HMGCLL1: variants seen among roughly 807,000 people sequenced by gnomAD.
HMGCLL1 encodes 3-hydroxymethyl-3-methylglutaryl-CoA lyase, cytoplasmic.
HMGCLL1 carries 36 observed loss-of-function variants against 39.1 expected under a neutral mutation model. The ratio of observed to expected loss-of-function variants is 0.92; its 90% CI spans 0.71 to 1.22. HMGCLL1 has a LOEUF of 1.22. Among genes scored for constraint, HMGCLL1 ranks in the 50% most tolerant of loss-of-function variants. The pLI is 0.00. For missense variants in HMGCLL1, 451 were observed against 416.5 expected (o/e 1.08, Z -0.72); for synonymous variants, 149 against 144.0 (o/e 1.03, Z -0.25).
At position 55,476,880 on chromosome 6, in the gene HMGCLL1, C is replaced by A. The variant is rs926385014; in HGVS notation, c.795+18539G>T. On this transcript the variant is annotated intron_variant, in intron 7 of 8. Transcript: ENST00000274901. ...ACTCAGGAAATGAATTAGGAGGGGG[C>A]AGAACAGTGGAACTCAGAATGACTG... 1.1e-4 allele frequency among the ~76,000 whole-genome samples: 16 copies of A among 146,564 alleles called. 2 individuals carry two copies. Among genetic ancestry groups the A allele is most frequent in the African/African-American group, 3.2e-4 (12 of 37,268 alleles).
intron 3 of HMGCLL1, among the ~76,000 whole-genome samples, chr6:55,535,186 A>G (rs771527737): frequency 6.6e-6 from 1 of 152,220 alleles, no homozygotes; most frequent in Non-Finnish European, 1.5e-5. Context: ...ACAAACAGCA[A>G]TTATTTGTTA....
chr6:55,645,164 T>C, the HMGCLL1 span, among the ~76,000 whole-genome samples: 5 of 151,994 alleles, frequency 3.3e-5, no homozygotes, highest in Non-Finnish European at 7.4e-5. Flanking sequence ...TTGTGACTAT[T>C]GTAAATGAGA....
intron 1 of HMGCLL1, among the ~76,000 whole-genome samples, chr6:55,544,118 C>T (rs992966366): frequency 6.6e-6 from 1 of 152,030 alleles, no homozygotes; most frequent in Non-Finnish European, 1.5e-5. Context: ...CACAATAACC[C>T]ACTGGGAGCA....
chr6:55,493,254 C>T (rs558430185), intron 7 of HMGCLL1, among the ~76,000 whole-genome samples: 8 of 152,180 alleles, frequency 5.3e-5, no homozygotes, highest in African/African-American at 1.7e-4. Context: ...AGAGATACAT[C>T]CTATTTCTCC....
At chr6:55,485,138 A>C (rs1198555157) in intron 7 of HMGCLL1, among the ~76,000 whole-genome samples, 4 of 152,052 alleles carry the variant, frequency 2.6e-5, no homozygotes, top group Non-Finnish European at 5.9e-5. Flanking sequence ...CTTTGCTTAC[A>C]TCTCTTCTTA....
intron 8 of HMGCLL1, among the ~76,000 whole-genome samples, chr6:55,437,276 C>T (rs1336354140): frequency 2.0e-5 from 3 of 151,842 alleles, no homozygotes; most frequent in African/African-American, 4.8e-5. Context: ...AAGAACCTCA[C>T]GTAGAATGTG....
chr6:55,477,328 T>TATATTA lies in HMGCLL1; in HGVS notation c.795+18090_795+18091insTAATAT, dbSNP rs1765456139. Among the ~76,000 whole-genome samples the TATATTA allele has an allele frequency of 2.2e-4, 4 of 18,060 alleles. 1 individual carries two copies. Among genetic ancestry groups the TATATTA allele is most frequent in the African/African-American group, 1.1e-3 (3 of 2,656 alleles). 11.8% of individuals were successfully genotyped at this position (18,060 alleles called of 152,430 possible). A position where few individuals can be genotyped will look rare whatever the true frequency, so the allele number is the denominator to read the frequency against. On this transcript the variant is annotated intron_variant, in intron 7 of 8. Transcript: ENST00000274901. ...ATTATATATATAATATATATTATATTATATAATATATATTATATTTAGATA... is the reference window on the plus strand; with the variant it reads ...ATTATATATATAATATATATTATATTATATTAATATAATATATATTATATTTAGATA...
chr6:55,625,095 T>C, the HMGCLL1 span, among the ~76,000 whole-genome samples: 1 of 152,072 alleles, frequency 6.6e-6, no homozygotes, highest in Non-Finnish European at 1.5e-5. Context: ...TGAATCGCCG[T>C]GGAGGCCTCT....
intron 1 of HMGCLL1, among the ~76,000 whole-genome samples, chr6:55,556,012 T>C (rs2127467772): frequency 6.6e-6 from 1 of 152,198 alleles, no homozygotes; most frequent in Non-Finnish European, 1.5e-5. Context: ...GTATGCAGGA[T>C]CTTTGCGGGG....
At chr6:55,515,253 GAA>G (rs34439584) in intron 4 of HMGCLL1, among the ~76,000 whole-genome samples, 13,446 of 134,644 alleles carry the variant, frequency 0.1, 742 homozygotes, top group African/African-American at 0.17. Flanking sequence ...CTCCATCTCA[GAA>G]AAAAAAAAAA....
chr6:55,524,638 G>A (rs984618855), intron 3 of HMGCLL1, among the ~76,000 whole-genome samples: 4 of 151,960 alleles, frequency 2.6e-5, no homozygotes, highest in African/African-American at 4.8e-5. Flanking sequence ...TGCTTCACTT[G>A]AAGTAATAGG....
At chr6:55,446,317 A>G (rs926930217) in intron 7 of HMGCLL1, among the ~76,000 whole-genome samples, 1 of 148,356 alleles carries the variant, frequency 6.7e-6, no homozygotes, top group Non-Finnish European at 1.5e-5. Context: ...ATATATAAAT[A>G]TATTTTTATA....
intron 5 of HMGCLL1, among the ~76,000 whole-genome samples, chr6:55,508,624 G>T (rs544899920): frequency 1.3e-5 from 2 of 151,832 alleles, no homozygotes; most frequent in African/African-American, 2.4e-5. Flanking sequence ...TATTTAATAT[G>T]TTGCACAACT....
chr6:55,542,989 ATATAT>A (rs1769560449), intron 1 of HMGCLL1, among the ~76,000 whole-genome samples: 1 of 103,958 alleles, frequency 9.6e-6, no homozygotes, highest in Admixed American at 1.3e-4. Flanking sequence ...ATAATACAAT[ATATAT>A]TATAAATTAT....
chr6:55,498,571 T>C (rs1474374339), intron 6 of HMGCLL1, among the ~76,000 whole-genome samples: 1 of 152,172 alleles, frequency 6.6e-6, no homozygotes, highest in Non-Finnish European at 1.5e-5. Context: ...AAATTAACCT[T>C]AAAAACAGGT....
At chr6:55,570,401 C>G (rs372711499) in intron 1 of HMGCLL1, among the ~76,000 whole-genome samples, 3 of 152,170 alleles carry the variant, frequency 2.0e-5, no homozygotes, top group African/African-American at 7.2e-5. Flanking sequence ...GTCTCCTATT[C>G]TTTGCTTAGA....
At chr6:55,546,544 G>A (rs1581931875) in intron 1 of HMGCLL1, among the ~76,000 whole-genome samples, 1 of 152,100 alleles carries the variant, frequency 6.6e-6, no homozygotes, top group Admixed American at 6.6e-5. Flanking sequence ...GGGTATAGGA[G>A]GTGAATCATT....
At chr6:55,477,469 A>T (rs1482144752) in intron 7 of HMGCLL1, among the ~76,000 whole-genome samples, 1 of 92,336 alleles carries the variant, frequency 1.1e-5, no homozygotes, top group African/African-American at 4.5e-5. Flanking sequence ...TATAATATAT[A>T]ATATATATAT....
intron 1 of HMGCLL1, among the ~76,000 whole-genome samples, chr6:55,574,329 T>C (rs1289988847): frequency 6.6e-6 from 1 of 151,894 alleles, no homozygotes; most frequent in Non-Finnish European, 1.5e-5. Flanking sequence ...ATTGACTGTA[T>C]GCATATGTAT....
Sources: allele counts gnomAD v4.1 joint callset (sites outside exome capture counted in the v4.1 genomes callset), GRCh38; gene constraint gnomAD v4.1.1; transcripts MANE v1.5; gene names NCBI Gene and HGNC (gene_info 2026-07-23, HGNC 2026-07-21).